Variants in ZNF589 observed in about 807,000 individuals in gnomAD.
ZNF589 encodes the protein KRAB-zinc finger protein SZF1-1.
Under a neutral mutation model 13.6 loss-of-function variants are expected in ZNF589, and 17 were observed. The ratio of observed to expected loss-of-function variants is 1.25; its 90% CI spans 0.86 to 1.88. ZNF589 has a LOEUF of 1.88. Among genes scored for constraint, ZNF589 ranks in the 40% most tolerant of loss-of-function variants. The pLI, the probability that ZNF589 is intolerant of heterozygous loss-of-function variation, is 0.00. For missense variants in ZNF589, 407 were observed against 434.0 expected (o/e 0.94, Z 0.55); for synonymous variants, 148 against 161.6 (o/e 0.92, Z 0.64).
chr3:48,270,570 G>C lies in ZNF589; in HGVS notation c.*1784G>C, dbSNP rs6442111. 85,941 of 310,034 alleles carry C rather than the reference G, an allele frequency of 0.28. 12,774 individuals are homozygous for C. The highest frequency in any genetic ancestry group is 0.3 in the South Asian group (10,073 of 33,372). 19.2% of individuals were successfully genotyped at this position (310,034 alleles called of 1,614,324 possible). A position where few individuals can be genotyped will look rare whatever the true frequency, so the allele number is the denominator to read the frequency against. ...CTGACAGTTTGCCTTACTCCCTTGGGCTGGGGCTAGCCCTACCTGATACCC... is the reference window on the plus strand; with the variant it reads ...CTGACAGTTTGCCTTACTCCCTTGGCCTGGGGCTAGCCCTACCTGATACCC... On this transcript the variant is annotated 3_prime_UTR_variant, in exon 4 of 4. Transcript: ENST00000354698.
intron 2 of ZNF589, chr3:48,256,884 G>A: frequency 2.1e-6 from 2 of 956,330 alleles, no homozygotes; most frequent in East Asian, 2.8e-5. Context: ...GGGCCTGCTA[G>A]GAGCCCACAC....
chr3:48,242,052 T>G (rs1271178994), intron 1 of ZNF589, among the ~76,000 whole-genome samples: 3 of 152,030 alleles, frequency 2.0e-5, no homozygotes, highest in Non-Finnish European at 4.4e-5. Context: ...CCTCAAGCAA[T>G]CCACCCACCT....
chr3:48,269,245 C>T lies in ZNF589; in HGVS notation c.*459C>T. The T allele has an allele frequency of 6.5e-7, 1 of 1,539,594 alleles. No homozygotes were observed. The highest frequency in any genetic ancestry group is 8.9e-7 in the Non-Finnish European group (1 of 1,128,090). On this transcript the variant is annotated 3_prime_UTR_variant, in exon 4 of 4. Transcript: ENST00000354698. Reference sequence around the variant, plus strand: ...TCACGAAATCACAGCTCATCAGACACCAGAGGACACACACAGGAGAAAAGC... The same window carrying T: ...TCACGAAATCACAGCTCATCAGACATCAGAGGACACACACAGGAGAAAAGC...
Position 48,268,744 on chromosome 3 carries a change from G to A in ZNF589, c.1053G>A (p.Gln351=). The part of the protein sequence containing the change: ...FREKSELIKH[Q]RIHTGDKPYV... ...AAAAGTCAGAGCTCATTAAGCACCA[G>A]AGAATTCACACGGGGGATAAGCCTT... is the stretch of plus-strand genomic sequence containing the variant. The change falls in exon 4 of 4, where the codon CAG becomes CAA. Residue 351 remains glutamine (Q), a synonymous_variant. Transcript: ENST00000354698. 6.2e-7 allele frequency: 1 copy of A among 1,614,162 alleles called. No homozygotes were observed. The highest frequency in any genetic ancestry group is 8.5e-7 in the Non-Finnish European group (1 of 1,179,998).
chr3:48,267,788 G>C (rs2034035433), intron 3 of ZNF589, 127 bp from the exon 4 acceptor site: 2 of 934,298 alleles, frequency 2.1e-6, no homozygotes, highest in African/African-American at 1.7e-5. Context: ...TATAGGTCCT[G>C]CACAGCACAT....
chr3:48,265,345 A>G (rs6442110), intron 3 of ZNF589, among the ~76,000 whole-genome samples: 53,262 of 126,916 alleles, frequency 0.42, 11,061 homozygotes, highest in African/African-American at 0.56. Context: ...GAGTGCAATG[A>G]TGGGATCTCG....
intron 1 of ZNF589, among the ~76,000 whole-genome samples, chr3:48,244,276 A>G (rs1347142338): frequency 1.3e-5 from 2 of 152,176 alleles, no homozygotes; most frequent in Non-Finnish European, 2.9e-5. Flanking sequence ...AGATGTAGCC[A>G]CTGGGAGTGG....
At chr3:48,245,443 A>G (rs1376685129) in intron 1 of ZNF589, among the ~76,000 whole-genome samples, 1 of 152,076 alleles carries the variant, frequency 6.6e-6, no homozygotes, top group East Asian at 1.9e-4. Context: ...ATAAACACAT[A>G]TGCCTGGAAT....
chr3:48,264,815 ACT>A lies in ZNF589; in HGVS notation c.224-3097_224-3096del, dbSNP rs371251816. The stretch of plus-strand genomic sequence containing the variant: ...CTGCACTGCAGCCTGGGCAACAGAG[ACT>A]CTGTCTCAAAAAAATAAATAAATAA... On this transcript the variant is annotated intron_variant, in intron 3 of 3. Transcript: ENST00000354698. Among the ~76,000 whole-genome samples, 575 of 151,962 alleles carry A rather than the reference ACT, an allele frequency of 3.8e-3. 2 individuals carry two copies. The highest frequency in any genetic ancestry group is 0.013 in the African/African-American group (535 of 41,480).
intron 1 of ZNF589, among the ~76,000 whole-genome samples, chr3:48,242,209 C>A (rs1408045522): frequency 6.6e-6 from 1 of 151,952 alleles, no homozygotes; most frequent in Non-Finnish European, 1.5e-5. Flanking sequence ...CTCCCAGGTT[C>A]CAGCGATTCT....
chr3:48,242,134 C>G (rs897583822), intron 1 of ZNF589, among the ~76,000 whole-genome samples: 1 of 150,466 alleles, frequency 6.6e-6, no homozygotes, highest in African/African-American at 2.4e-5. Context: ...TTTTTGGAGA[C>G]AGAGTCTTGC....
chr3:48,241,263 A>C, intron 1 of ZNF589, 49 bp downstream of exon 1: 1 of 1,600,782 alleles, frequency 6.2e-7, no homozygotes, highest in Non-Finnish European at 8.5e-7. Flanking sequence ...CTCCAGCCGC[A>C]GGCGCCGCGC....
intron 1 of ZNF589, among the ~76,000 whole-genome samples, chr3:48,246,565 C>T (rs773778904): frequency 6.6e-6 from 1 of 152,238 alleles, no homozygotes; most frequent in Non-Finnish European, 1.5e-5. Context: ...CCACCTCAGC[C>T]TCCCAAAGTG....
intron 2 of ZNF589, among the ~76,000 whole-genome samples, chr3:48,253,703 C>T (rs1044950389): frequency 2.0e-5 from 3 of 151,828 alleles, no homozygotes; most frequent in African/African-American, 4.8e-5. Context: ...GGGGTTTCAC[C>T]GTGTTAGCCA....
At chr3:48,244,154 T>C (rs1215385852) in intron 1 of ZNF589, among the ~76,000 whole-genome samples, 4 of 152,150 alleles carry the variant, frequency 2.6e-5, no homozygotes, top group Non-Finnish European at 4.4e-5. Context: ...CTCATTTTTT[T>C]CCCACCTGCT....
Position 48,269,339 on chromosome 3 carries a change from C to A in ZNF589, c.*553C>A. The A allele has an allele frequency of 8.2e-7, 1 of 1,218,962 alleles. No individual in the cohort carries two copies. The highest frequency in any genetic ancestry group is 1.2e-6 in the Non-Finnish European group (1 of 867,424). 75.5% of individuals were successfully genotyped at this position (1,218,962 alleles called of 1,614,324 possible). The stretch of plus-strand genomic sequence containing the variant: ...AACCCTCCACTACCACCGGAGTACA[C>A]ACTCCAAGGAAAAACCTTATGTGTG... On this transcript the variant is annotated 3_prime_UTR_variant, in exon 4 of 4. Coordinates refer to ENST00000354698, the MANE Select transcript of ZNF589 (RefSeq NM_016089.3).
intron 3 of ZNF589, among the ~76,000 whole-genome samples, chr3:48,262,583 A>G (rs962383847): frequency 6.6e-6 from 1 of 152,138 alleles, no homozygotes; most frequent in African/African-American, 2.4e-5. Flanking sequence ...TCCATGTTCA[A>G]ATTTACCTGA....
At chr3:48,266,448 A>G (rs1432375815) in intron 3 of ZNF589, among the ~76,000 whole-genome samples, 1 of 152,232 alleles carries the variant, frequency 6.6e-6, no homozygotes, top group East Asian at 1.9e-4. Flanking sequence ...ACCCCCATCC[A>G]TCCAGAAGAA....
intron 2 of ZNF589, among the ~76,000 whole-genome samples, chr3:48,259,439 CA>C (rs763041748): frequency 6.6e-6 from 1 of 152,178 alleles, no homozygotes; most frequent in Non-Finnish European, 1.5e-5. Context: ...CCCCTACTGT[CA>C]TCTTTGATTT....
Sources: gnomAD v4.1 joint callset for allele counts (sites outside exome capture counted in the v4.1 genomes callset) on GRCh38, gnomAD v4.1.1 for gene constraint, MANE v1.5 for transcripts, NCBI Gene and HGNC (gene_info 2026-07-23, HGNC 2026-07-21) for gene names.